The following USH2A variants were observed in gnomAD, a reference collection of about 807,000 sequenced individuals.
USH2A encodes the protein usherin.
Under a neutral mutation model 538.9 loss-of-function variants are expected in USH2A, and 443 were observed. The observed-to-expected ratio is 0.82, with a 90% CI of 0.76 to 0.89. The LOEUF is 0.89. USH2A is among the 40% of genes least tolerant of loss of function. USH2A has a pLI of 0.00. For synonymous variants in USH2A, 2,413 were observed against 2,273.5 expected, an observed-to-expected ratio of 1.06 and a Z score of -1.75; for missense variants, 6,633 against 6,324.8, an observed-to-expected ratio of 1.05 and a Z score of -1.65.
Position 215,671,244 on chromosome 1 carries a change from C to T in USH2A, c.13861G>A (p.Asp4621Asn), listed in dbSNP as rs768387868. The change falls in exon 64 of 72, where the codon GAC becomes AAC. Residue 4621 changes from aspartate (D) to asparagine (N), a missense_variant. Transcript: ENST00000307340. The part of the protein sequence containing the change: ...ACTTLGCASS[D>N]WTFIQTPEIA... ...TCAGGGGTCTGTATGAATGTCCAGT[C>T]ACTTGATGCACATCCCAGGGTGGTG... 5.6e-6 allele frequency: 9 copies of T among 1,614,098 alleles called. No individual in the cohort carries two copies. Among genetic ancestry groups the T allele is most frequent in the Non-Finnish European group, 7.6e-6 (9 of 1,180,010 alleles).
intron 26 of USH2A, among the ~76,000 whole-genome samples, chr1:216,080,873 G>A (rs1053476052): frequency 2.0e-5 from 3 of 151,742 alleles, no homozygotes; most frequent in Admixed American, 6.6e-5. Context: ...AGTTGATAGA[G>A]AGACTGAAAG....
intron 44 of USH2A, among the ~76,000 whole-genome samples, chr1:215,858,835 A>G (rs1664241222): frequency 1.3e-5 from 2 of 152,112 alleles, no homozygotes; most frequent in Non-Finnish European, 2.9e-5. Flanking sequence ...GTAGTTAGAT[A>G]TGTATTAGTT....
intron 64 of USH2A, among the ~76,000 whole-genome samples, chr1:215,654,745 T>G (rs1002449944): frequency 6.6e-6 from 1 of 152,246 alleles, no homozygotes; most frequent in Non-Finnish European, 1.5e-5. Flanking sequence ...GATAGATTAA[T>G]ATGTCAGTTT....
chr1:215,837,664 A>G (rs1418557771), intron 47 of USH2A, among the ~76,000 whole-genome samples: 1 of 152,204 alleles, frequency 6.6e-6, no homozygotes, highest in Admixed American at 6.5e-5. Flanking sequence ...GTTAGAAGGT[A>G]GTCATTACAA....
intron 64 of USH2A, among the ~76,000 whole-genome samples, chr1:215,655,085 G>A (rs941594926): frequency 6.6e-6 from 1 of 152,088 alleles, no homozygotes; most frequent in African/African-American, 2.4e-5. Flanking sequence ...ATGATTTTGG[G>A]TACCTGTATC....
rs150357233 is a variant in USH2A at position 215,792,121 on chromosome 1, C to T, written c.9959-1839G>A. Among the ~76,000 whole-genome samples the T allele has an allele frequency of 6.3e-4, 96 of 152,236 alleles. No homozygotes were observed. The East Asian group carries it at 8.5e-3, about 13-fold the overall frequency. On this transcript the variant is annotated intron_variant, in intron 50 of 71. Transcript: ENST00000307340. ...CGGAATATATTCTCCCCCTCTCATT[C>T]CCAAATTACTTCATGGTTTCACTAT... is the stretch of plus-strand genomic sequence containing the variant.
chr1:216,118,211 T>C (rs1453419590), intron 21 of USH2A, among the ~76,000 whole-genome samples: 1 of 152,190 alleles, frequency 6.6e-6, no homozygotes, highest in Non-Finnish European at 1.5e-5. Context: ...CAGAACTATT[T>C]GGCCCTATAT....
At chr1:216,376,907 T>C (rs1373879198) in intron 3 of USH2A, among the ~76,000 whole-genome samples, 1 of 152,182 alleles carries the variant, frequency 6.6e-6, no homozygotes, top group African/African-American at 2.4e-5. Context: ...ACACTGTGCA[T>C]GAGTTATATC....
rs558557927 is a variant in USH2A, at chr1:216,019,882, T to C, written c.6326-19320A>G. On this transcript the variant is annotated intron_variant, in intron 32 of 71. Transcript: ENST00000307340. ...AATAAATATCCTATTAGAATTATGC[T>C]GTATACCTACTTGCAAAAAACACAA... 5.5e-4 allele frequency among the ~76,000 whole-genome samples: 84 copies of C among 152,352 alleles called. 1 individual carries two copies. The highest frequency in any genetic ancestry group is 1.0e-3 in the South Asian group (5 of 4,830).
intron 20 of USH2A, among the ~76,000 whole-genome samples, chr1:216,183,170 C>T (rs1475542505): frequency 6.6e-6 from 1 of 152,016 alleles, no homozygotes; most frequent in African/African-American, 2.4e-5. Context: ...AAAGTGACAT[C>T]ATCCTTTCAT....
intron 41 of USH2A, among the ~76,000 whole-genome samples, chr1:215,885,373 A>G (rs915548812): frequency 6.6e-6 from 1 of 152,112 alleles, no homozygotes; most frequent in Non-Finnish European, 1.5e-5. Flanking sequence ...GCTTAATTCA[A>G]TTTGGTAATC....
chr1:216,120,668 C>T (rs556986526), intron 21 of USH2A, among the ~76,000 whole-genome samples: 28 of 152,034 alleles, frequency 1.8e-4, no homozygotes, highest in African/African-American at 6.5e-4. Flanking sequence ...GGCGAGCCAC[C>T]GCACCCGGCC....
intron 4 of USH2A, among the ~76,000 whole-genome samples, chr1:216,328,333 C>A (rs1362432323): frequency 6.6e-6 from 1 of 152,086 alleles, no homozygotes; most frequent in Non-Finnish European, 1.5e-5. Flanking sequence ...TAGCTATCAA[C>A]CTTAATCCAC....
At chr1:216,012,366 C>G (rs897803770) in intron 32 of USH2A, among the ~76,000 whole-genome samples, 1 of 152,088 alleles carries the variant, frequency 6.6e-6, no homozygotes, top group Non-Finnish European at 1.5e-5. Flanking sequence ...GATTTGCCCC[C>G]ACCCAGGACT....
chr1:215,678,993 G>A (rs1374955056), intron 62 of USH2A, among the ~76,000 whole-genome samples: 1 of 152,124 alleles, frequency 6.6e-6, no homozygotes, highest in African/African-American at 2.4e-5. Flanking sequence ...GGTGCCTTGG[G>A]GCCGTGATTT....
intron 52 of USH2A, among the ~76,000 whole-genome samples, chr1:215,784,063 T>C (rs1661722058): frequency 6.6e-6 from 1 of 152,204 alleles, no homozygotes; most frequent in South Asian, 2.1e-4. Flanking sequence ...CATTTTTTTC[T>C]GCTCGGGGGT....
intron 21 of USH2A, among the ~76,000 whole-genome samples, chr1:216,124,195 A>G (rs896152788): frequency 2.6e-5 from 4 of 152,200 alleles, no homozygotes; most frequent in African/African-American, 4.8e-5. Context: ...GAGGAAAGAA[A>G]CATGACTTGA....
In USH2A at chr1:216,034,177, G is replaced by A. The variant is rs180690184; in HGVS notation, c.6325+12254C>T. ...TCCTGGGGGAAACCAACATTTGTGC[G>A]TGGAAGAAAATGAGGAAGAGATCAC... On this transcript the variant is annotated intron_variant, in intron 32 of 71. Coordinates refer to ENST00000307340, the MANE Select transcript of USH2A (RefSeq NM_206933.4). Among the ~76,000 whole-genome samples, 27 of 152,262 alleles carry A rather than the reference G, an allele frequency of 1.8e-4. No homozygotes were observed. The South Asian group carries it at 2.1e-3, about 12-fold the overall frequency.
intron 3 of USH2A, among the ~76,000 whole-genome samples, chr1:216,415,689 T>C (rs1435868086): frequency 6.6e-6 from 1 of 151,710 alleles, no homozygotes; most frequent in Admixed American, 6.6e-5. Flanking sequence ...CCTGGCTAAT[T>C]TTTTTAGGGT....
Sources: gnomAD v4.1 joint callset for allele counts (sites outside exome capture counted in the v4.1 genomes callset) on GRCh38, gnomAD v4.1.1 for gene constraint, MANE v1.5 for transcripts, NCBI Gene and HGNC (gene_info 2026-07-23, HGNC 2026-07-21) for gene names.